Variants in CTNNA2 observed in about 807,000 individuals in gnomAD.
CTNNA2 encodes the protein catenin alpha 2.
CTNNA2 carries 42 observed loss-of-function variants against 101.0 expected under a neutral mutation model. The ratio of observed to expected loss-of-function variants is 0.42; its 90% CI spans 0.32 to 0.54. CTNNA2 has a LOEUF of 0.54. Among genes scored for constraint, CTNNA2 ranks in the 20% least tolerant of loss-of-function variants. The pLI, the probability that CTNNA2 is intolerant of heterozygous loss-of-function variation, is 0.14. For synonymous variants in CTNNA2, 450 were observed against 456.4 expected, an observed-to-expected ratio of 0.99 and a Z score of 0.18; for missense variants, 871 against 1,223.1, an observed-to-expected ratio of 0.71 and a Z score of 4.29.
intron 7 of CTNNA2, among the ~76,000 whole-genome samples, chr2:80,099,806 C>T (rs1700428090): frequency 6.6e-6 from 1 of 150,506 alleles, no homozygotes; most frequent in South Asian, 2.1e-4. Flanking sequence ...CAACCTGCTA[C>T]AGATTCACGG....
chr2:79,687,865 C>A, intron 2 of CTNNA2: 1 of 367,974 alleles, frequency 2.7e-6, no homozygotes, highest in African/African-American at 2.1e-5. Flanking sequence ...GGATGAATGT[C>A]CCGGAATAGA....
intron 15 of CTNNA2, among the ~76,000 whole-genome samples, chr2:80,596,274 A>T (rs1363145423): frequency 2.5e-5 from 2 of 80,344 alleles, no homozygotes; most frequent in African/African-American, 4.2e-5. Flanking sequence ...GGCTGAGACA[A>T]GGTTGTTTTT....
chr2:80,462,878 T>C (rs937808634), intron 9 of CTNNA2, among the ~76,000 whole-genome samples: 1 of 152,094 alleles, frequency 6.6e-6, no homozygotes, highest in Non-Finnish European at 1.5e-5. Flanking sequence ...ATCCCTACCC[T>C]CTCCACTCTA....
rs1296177559 is a variant in CTNNA2 at position 80,213,718 on chromosome 2, T to TGTCTATTAGGTCTGC, written c.1057-179492_1057-179478dup. 2.0e-4 allele frequency among the ~76,000 whole-genome samples: 31 copies of TGTCTATTAGGTCTGC among 152,210 alleles called. 1 individual carries two copies. Among genetic ancestry groups the TGTCTATTAGGTCTGC allele is most frequent in the African/African-American group, 7.2e-4 (30 of 41,454 alleles). On this transcript the variant is annotated intron_variant, in intron 7 of 18. Transcript: ENST00000402739. ...GATTTGGGGTGGAGAGTTCTATAGA[T>TGTCTATTAGGTCTGC]GTCTATTAGGTCTGCTTGGTGCAGA...
chr2:80,105,623 G>T (rs1700834827), intron 7 of CTNNA2, among the ~76,000 whole-genome samples: 1 of 152,070 alleles, frequency 6.6e-6, no homozygotes, highest in African/African-American at 2.4e-5. Context: ...TGTGGTCCCA[G>T]CTATTTGGGA....
At chr2:80,139,475 T>G (rs1387822967) in intron 7 of CTNNA2, among the ~76,000 whole-genome samples, 1 of 152,290 alleles carries the variant, frequency 6.6e-6, no homozygotes, top group South Asian at 2.1e-4. Flanking sequence ...ACCAAGATTT[T>G]ACTGCTTAGG....
intron 4 of CTNNA2, among the ~76,000 whole-genome samples, chr2:79,483,020 C>T (rs1389544760): frequency 6.6e-6 from 1 of 152,192 alleles, no homozygotes; most frequent in Admixed American, 6.5e-5. Context: ...CTGGTGCATG[C>T]TGGTTCAACA....
At chr2:79,960,655 C>T (rs1197556131) in intron 7 of CTNNA2, among the ~76,000 whole-genome samples, 1 of 152,164 alleles carries the variant, frequency 6.6e-6, no homozygotes, top group Non-Finnish European at 1.5e-5. Flanking sequence ...GTAACAAAGA[C>T]CTTAAACATT....
chr2:80,044,289 T>G (rs1259111669), intron 7 of CTNNA2, among the ~76,000 whole-genome samples: 1 of 152,204 alleles, frequency 6.6e-6, no homozygotes, highest in Non-Finnish European at 1.5e-5. Context: ...TGTTTTGTTT[T>G]TGTTACTTGA....
intron 18 of CTNNA2, among the ~76,000 whole-genome samples, chr2:80,640,973 T>G (rs1673408813): frequency 6.6e-6 from 1 of 152,174 alleles, no homozygotes; most frequent in Non-Finnish European, 1.5e-5. Flanking sequence ...TTAAAATCGT[T>G]CTTGTTCTTA....
At chr2:80,011,439 T>C (rs1693772976) in intron 7 of CTNNA2, among the ~76,000 whole-genome samples, 1 of 152,250 alleles carries the variant, frequency 6.6e-6, no homozygotes, top group African/African-American at 2.4e-5. Context: ...CCTGGCTTTA[T>C]CCACACCCGA....
chr2:80,531,919 C>T (rs774689320), intron 9 of CTNNA2, among the ~76,000 whole-genome samples: 2 of 152,156 alleles, frequency 1.3e-5, no homozygotes, highest in Non-Finnish European at 2.9e-5. Flanking sequence ...CAATCTTCTT[C>T]TGTAAAGGGA....
intron 2 of CTNNA2, among the ~76,000 whole-genome samples, chr2:79,278,899 G>A (rs1056712152): frequency 6.6e-6 from 1 of 152,098 alleles, no homozygotes; most frequent in African/African-American, 2.4e-5. Flanking sequence ...ATGTATCTGG[G>A]AAAGGAGAAC....
intron 7 of CTNNA2, among the ~76,000 whole-genome samples, chr2:80,064,901 C>T (rs1697866175): frequency 6.6e-6 from 1 of 152,176 alleles, no homozygotes; most frequent in Admixed American, 6.5e-5. Context: ...ATTACAGGGC[C>T]ATCTTTGCCA....
At chr2:79,554,748 C>G (rs2104082752) in intron 1 of CTNNA2, among the ~76,000 whole-genome samples, 1 of 152,262 alleles carries the variant, frequency 6.6e-6, no homozygotes, top group African/African-American at 2.4e-5. Flanking sequence ...GTTCTCAAAA[C>G]AGTTCCACAG....
At chr2:80,308,613 G>C (rs192490324) in intron 7 of CTNNA2, among the ~76,000 whole-genome samples, 2 of 152,224 alleles carry the variant, frequency 1.3e-5, no homozygotes, top group African/African-American at 4.8e-5. Flanking sequence ...GATCCACTTA[G>C]GAGAAACAAA....
At chr2:80,328,149 T>C (rs1670990318) in intron 7 of CTNNA2, 1 of 398,372 alleles carries the variant, frequency 2.5e-6, no homozygotes, top group South Asian at 1.9e-5. Context: ...TCTTTGTCCC[T>C]GTCTCCTCGC....
At chr2:79,902,787 C>T (rs1474750715) in intron 6 of CTNNA2, among the ~76,000 whole-genome samples, 2 of 151,984 alleles carry the variant, frequency 1.3e-5, no homozygotes, top group Non-Finnish European at 2.9e-5. Context: ...CCACCATGCC[C>T]GGCTAATTTT....
At chr2:79,257,359 T>A (rs1206914015) in intron 2 of CTNNA2, among the ~76,000 whole-genome samples, 1 of 152,088 alleles carries the variant, frequency 6.6e-6, no homozygotes, top group African/African-American at 2.4e-5. Flanking sequence ...CAGGTTTCAT[T>A]TGTTTGCTTG....
Sources: gnomAD v4.1 joint callset for allele counts (sites outside exome capture counted in the v4.1 genomes callset) on GRCh38, gnomAD v4.1.1 for gene constraint, MANE v1.5 for transcripts, NCBI Gene and HGNC (gene_info 2026-07-23, HGNC 2026-07-21) for gene names.